The following FRAS1 variants were observed in gnomAD, a reference collection of about 807,000 sequenced individuals.
The protein encoded by FRAS1 is Fraser extracellular matrix complex subunit 1.
Under a neutral mutation model 435.2 loss-of-function variants are expected in FRAS1, and 290 were observed. That is an observed-to-expected ratio of 0.67 (90% CI 0.61 to 0.73). The LOEUF (loss-of-function observed/expected upper bound fraction) is 0.73, where lower values mean the gene tolerates loss of function less well. FRAS1 is among the 30% of genes least tolerant of loss of function. The probability of loss-of-function intolerance (pLI) is 0.00; values close to 1 mark genes in which losing one functional copy is unlikely to be tolerated. For missense variants in FRAS1, 4,860 were observed against 5,001.5 expected, an observed-to-expected ratio of 0.97 and a Z score of 0.85; for synonymous variants, 1,800 against 1,851.0, an observed-to-expected ratio of 0.97 and a Z score of 0.71.
chr4:78,140,874 T>C (rs1720152953), intron 2 of FRAS1, among the ~76,000 whole-genome samples: 2 of 152,058 alleles, frequency 1.3e-5, no homozygotes, highest in Non-Finnish European at 2.9e-5. Flanking sequence ...TGTGGTGATA[T>C]AAACTACTAG....
At chr4:78,090,388 G>A (rs141482546) in intron 2 of FRAS1, among the ~76,000 whole-genome samples, 62 of 152,280 alleles carry the variant, frequency 4.1e-4, no homozygotes, top group African/African-American at 1.4e-3. Context: ...AAGACTATTA[G>A]GAAGGTAAAA....
intron 38 of FRAS1, among the ~76,000 whole-genome samples, chr4:78,436,254 T>C (rs1372717531): frequency 1.3e-5 from 2 of 152,072 alleles, no homozygotes; most frequent in East Asian, 1.9e-4. Context: ...TCAATAAACA[T>C]ATGAAGAGAT....
chr4:78,514,838 G>T (rs142870190), intron 65 of FRAS1, among the ~76,000 whole-genome samples: 14 of 151,960 alleles, frequency 9.2e-5, no homozygotes, highest in Non-Finnish European at 1.8e-4. Context: ...AGGCTGAGGC[G>T]GGTGGATTGC....
At chr4:78,366,173 G>A (rs929774305) in intron 22 of FRAS1, among the ~76,000 whole-genome samples, 5 of 152,140 alleles carry the variant, frequency 3.3e-5, no homozygotes, top group Non-Finnish European at 7.3e-5. Context: ...TCGAGAGGAT[G>A]TACTATTAAC....
chr4:78,502,314 T>C (rs1259767178), intron 61 of FRAS1, among the ~76,000 whole-genome samples: 2 of 152,232 alleles, frequency 1.3e-5, no homozygotes, highest in Non-Finnish European at 2.9e-5. Context: ...TTGGGCAGTA[T>C]GGCCATTTTC....
At chr4:78,196,996 C>T (rs184702392) in intron 2 of FRAS1, among the ~76,000 whole-genome samples, 1 of 152,074 alleles carries the variant, frequency 6.6e-6, no homozygotes, top group African/African-American at 2.4e-5. Flanking sequence ...GAGATTGGGA[C>T]AAAGTAGAAC....
At chr4:78,446,390 T>C in intron 42 of FRAS1, 3 of 1,087,198 alleles carry the variant, frequency 2.8e-6, no homozygotes, top group African/African-American at 1.7e-5. Context: ...CTGAGTTATA[T>C]TAGTATGGTC....
intron 2 of FRAS1, among the ~76,000 whole-genome samples, chr4:78,129,165 G>T (rs1392317233): frequency 6.6e-6 from 1 of 152,178 alleles, no homozygotes; most frequent in Non-Finnish European, 1.5e-5. Context: ...TAGCCTTGTA[G>T]AATAGTTTGA....
intron 47 of FRAS1, 66 bp from the exon 48 acceptor site, chr4:78,463,955 C>T (rs1719446058): frequency 6.3e-7 from 1 of 1,575,176 alleles, no homozygotes; most frequent in African/African-American, 1.4e-5. Context: ...TGACACTTCC[C>T]TAGCCTTAGA....
At chr4:78,537,772 A>G (rs772199364) in intron 72 of FRAS1, among the ~76,000 whole-genome samples, 1 of 152,064 alleles carries the variant, frequency 6.6e-6, no homozygotes, top group Non-Finnish European at 1.5e-5. Context: ...AGGAGACCCC[A>G]TATCTACAAA....
intron 2 of FRAS1, among the ~76,000 whole-genome samples, chr4:78,199,569 G>A (rs893868228): frequency 1.3e-5 from 2 of 152,178 alleles, no homozygotes; most frequent in African/African-American, 4.8e-5. Flanking sequence ...TCAAAATAAA[G>A]TAAAACCAAT....
At chr4:78,103,458 T>A (rs976922189) in intron 2 of FRAS1, among the ~76,000 whole-genome samples, 1 of 152,106 alleles carries the variant, frequency 6.6e-6, no homozygotes, top group Non-Finnish European at 1.5e-5. Context: ...GAGGTAGGGA[T>A]CTGGGGAGAG....
At chr4:78,333,200 G>A (rs1400675305) in intron 18 of FRAS1, 72 bp from the exon 19 acceptor site, 2 of 1,507,988 alleles carry the variant, frequency 1.3e-6, no homozygotes, top group Admixed American at 4.1e-5. Flanking sequence ...AATGTTAATG[G>A]GAGAGATAGA....
chr4:78,480,260 G>C (rs1309564001), intron 56 of FRAS1, among the ~76,000 whole-genome samples: 1 of 151,790 alleles, frequency 6.6e-6, no homozygotes, highest in Non-Finnish European at 1.5e-5. Flanking sequence ...CCCATCCTCT[G>C]GTAACCATCC....
At chr4:78,382,021 T>TAAA (rs1732042137) in intron 27 of FRAS1, among the ~76,000 whole-genome samples, 1 of 152,200 alleles carries the variant, frequency 6.6e-6, no homozygotes, top group African/African-American at 2.4e-5. Context: ...CAGTTTGTGT[T>TAAA]TTGTTTTGTT....
Position 78,477,862 on chromosome 4 carries a change from C to G in FRAS1, c.7899C>G (p.Ile2633Met). The G allele has an allele frequency of 6.2e-7, 1 of 1,613,536 alleles. No individual in the cohort carries two copies. Among genetic ancestry groups the G allele is most frequent in the Non-Finnish European group, 8.5e-7 (1 of 1,179,730 alleles). Reference sequence around the variant, plus strand: ...ACACCAAGTCCTGCACCATTGTCATCAACGATGATGACGTGTTTGAAAATG... The same window carrying G: ...ACACCAAGTCCTGCACCATTGTCATGAACGATGATGACGTGTTTGAAAATG... ...REDTKSCTIV[I>M]NDDDVFENVE... is the part of the protein sequence containing the mutation. Residue 2633 changes from isoleucine (I) to methionine (M), a missense_variant, in exon 55 of 74, where the codon ATC becomes ATG. Coordinates refer to ENST00000512123, the MANE Select transcript of FRAS1 (RefSeq NM_025074.7).
chr4:78,456,411 G>A (rs192045301), intron 47 of FRAS1, among the ~76,000 whole-genome samples: 24 of 152,270 alleles, frequency 1.6e-4, no homozygotes, highest in African/African-American at 5.8e-4. Context: ...CGAAAGTGCT[G>A]TGTTTACAGG....
At chr4:78,233,639 A>G (rs1312037405) in intron 2 of FRAS1, among the ~76,000 whole-genome samples, 1 of 152,204 alleles carries the variant, frequency 6.6e-6, no homozygotes, top group East Asian at 1.9e-4. Context: ...TAAATACAGC[A>G]TCTCCTTTGA....
chr4:78,501,526 C>G (rs1720681312), intron 61 of FRAS1, among the ~76,000 whole-genome samples: 1 of 152,100 alleles, frequency 6.6e-6, no homozygotes, highest in African/African-American at 2.4e-5. Flanking sequence ...GTTCTAGATC[C>G]TTGAGGAATT....
Sources: allele counts gnomAD v4.1 joint callset (sites outside exome capture counted in the v4.1 genomes callset), GRCh38; gene constraint gnomAD v4.1.1; transcripts MANE v1.5; gene names NCBI Gene and HGNC (gene_info 2026-07-23, HGNC 2026-07-21).